Variants in LOC122539214 observed in about 807,000 individuals in gnomAD.
chr19:52,681,412 T>C, the LOC122539214 span, among the ~76,000 whole-genome samples: 1 of 151,266 alleles, frequency 6.6e-6, no homozygotes, highest in Non-Finnish European at 1.5e-5. Context: ...CAAAGTCCAA[T>C]GAATTTGATA....
the LOC122539214 span, chr19:52,652,460 C>A: frequency 4.9e-6 from 2 of 410,156 alleles, no homozygotes; most frequent in Non-Finnish European, 4.9e-6. Context: ...ATGACTGCCA[C>A]AATTATCACA....
the LOC122539214 span, among the ~76,000 whole-genome samples, chr19:52,674,427 G>A: frequency 6.6e-6 from 1 of 152,104 alleles, no homozygotes; most frequent in South Asian, 2.1e-4. Context: ...CCTAGCCAGA[G>A]CAATGAAATA....
At chr19:52,667,881 A>C in the LOC122539214 span, among the ~76,000 whole-genome samples, 1 of 152,212 alleles carries the variant, frequency 6.6e-6, no homozygotes, top group Non-Finnish European at 1.5e-5. Flanking sequence ...ATAAAGGTGA[A>C]ATGTAGCTTA....
At chr19:52,652,762 A>G in the LOC122539214 span, 3 of 808,608 alleles carry the variant, frequency 3.7e-6, no homozygotes, top group Non-Finnish European at 6.1e-6. Flanking sequence ...TTGATGATGA[A>G]TAAGTGATGA....
At chr19:52,683,359 C>T in the LOC122539214 span, among the ~76,000 whole-genome samples, 18 of 152,138 alleles carry the variant, frequency 1.2e-4, no homozygotes, top group South Asian at 4.2e-4. Flanking sequence ...AGGTGGCCCT[C>T]GGGCTGCAGT....
At chr19:52,667,373 T>C in the LOC122539214 span, among the ~76,000 whole-genome samples, 1 of 152,166 alleles carries the variant, frequency 6.6e-6, no homozygotes, top group Non-Finnish European at 1.5e-5. Flanking sequence ...AAGAATTGTC[T>C]GTCAAAGTTG....
chr19:52,664,184 AT>A, the LOC122539214 span, among the ~76,000 whole-genome samples: 54,618 of 141,412 alleles, frequency 0.39, 10,523 homozygotes, highest in African/African-American at 0.46. Flanking sequence ...CACCAGGCCT[AT>A]TTTTTTTTTT....
the LOC122539214 span, chr19:52,652,101 C>T: frequency 0.13 from 30,200 of 236,380 alleles, 2,269 homozygotes; most frequent in East Asian, 0.23. Context: ...GATTTCTGTC[C>T]AGTATAGATT....
chr19:52,659,243 A>AGCTGCGATGGAAGCATGAGGAAC, the LOC122539214 span, among the ~76,000 whole-genome samples: 45 of 152,230 alleles, frequency 3.0e-4, no homozygotes, highest in African/African-American at 1.1e-3. Flanking sequence ...TCTTGAGGAA[A>AGCTGCGATGGAAGCATGAGGAAC]GCTGCGATGG....
the LOC122539214 span, among the ~76,000 whole-genome samples, chr19:52,681,280 C>CAAAAAAAAAA: frequency 1.7e-3 from 129 of 75,416 alleles, 8 homozygotes; most frequent in Non-Finnish European, 2.5e-3. Flanking sequence ...GAGACTTTCT[C>CAAAAAAAAAA]AAAAAAAAAA....
the LOC122539214 span, among the ~76,000 whole-genome samples, chr19:52,657,761 C>A: frequency 6.6e-6 from 1 of 151,394 alleles, no homozygotes; most frequent in Admixed American, 6.6e-5. Context: ...GCAGGAGAAT[C>A]GCTTGAACCT....
chr19:52,667,772 A>G, the LOC122539214 span, among the ~76,000 whole-genome samples: 1 of 152,326 alleles, frequency 6.6e-6, no homozygotes, highest in Admixed American at 6.5e-5. Context: ...AAGGTTAAAG[A>G]GTCTATAAAA....
chr19:52,683,476 C>A, the LOC122539214 span, among the ~76,000 whole-genome samples: 1 of 140,496 alleles, frequency 7.1e-6, no homozygotes, highest in Non-Finnish European at 1.5e-5. Flanking sequence ...GTCCTTCATG[C>A]CCCTCAGGTC....
chr19:52,680,606 A>ATTTTT, the LOC122539214 span, among the ~76,000 whole-genome samples: 415 of 88,922 alleles, frequency 4.7e-3, 3 homozygotes, highest in African/African-American at 0.017. Flanking sequence ...TCCACAAAAT[A>ATTTTT]TTTTTTTTTT....
the LOC122539214 span, chr19:52,654,079 G>T: frequency 1.3e-6 from 2 of 1,598,424 alleles, no homozygotes; most frequent in Non-Finnish European, 1.7e-6. Flanking sequence ...TTTCCCTTCA[G>T]TCTGAAATTC....
chr19:52,681,303 C>CAAAAAAAAAAAAAAAAAAAAAA, the LOC122539214 span, among the ~76,000 whole-genome samples: 15 of 78,290 alleles, frequency 1.9e-4, no homozygotes, highest in Non-Finnish European at 2.3e-4. Flanking sequence ...AAAAAAAAAG[C>CAAAAAAAAAAAAAAAAAAAAAA]AAACGAACAT....
chr19:52,678,474 A>C, the LOC122539214 span, among the ~76,000 whole-genome samples: 1 of 151,476 alleles, frequency 6.6e-6, no homozygotes, highest in Non-Finnish European at 1.5e-5. Context: ...AGAAAAAAGA[A>C]AAAAAAACTG....
the LOC122539214 span, among the ~76,000 whole-genome samples, chr19:52,666,484 C>A: frequency 8.5e-5 from 13 of 152,054 alleles, no homozygotes; most frequent in East Asian, 3.9e-4. Flanking sequence ...AATCCTTAAC[C>A]CAGTAAACCG....
the LOC122539214 span, among the ~76,000 whole-genome samples, chr19:52,687,204 T>C: frequency 6.8e-6 from 1 of 146,178 alleles, no homozygotes; most frequent in African/African-American, 2.5e-5. Context: ...AAAAGTACTA[T>C]GTAGGCCAGG....
Sources: gnomAD v4.1 joint callset for allele counts (sites outside exome capture counted in the v4.1 genomes callset) on GRCh38, gnomAD v4.1.1 for gene constraint, MANE v1.5 for transcripts.